Variants in EXOC6 observed in about 807,000 individuals in gnomAD.
The protein encoded by EXOC6 is SEC15-like 1.
EXOC6 carries 60 observed loss-of-function variants against 112.5 expected under a neutral mutation model. The observed-to-expected ratio is 0.53, with a 90% confidence interval of 0.43 to 0.66. The LOEUF (loss-of-function observed/expected upper bound fraction) is 0.66. Among genes scored for constraint, EXOC6 ranks in the 30% least tolerant of loss-of-function variants. The probability of loss-of-function intolerance (pLI) is 0.00; values close to 1 mark genes in which losing one functional copy is unlikely to be tolerated. For synonymous variants in EXOC6, 295 were observed against 308.0 expected (o/e 0.96, Z 0.44); for missense variants, 855 against 957.1 (o/e 0.89, Z 1.41).
At position 92,841,183 on chromosome 10, in the gene EXOC6, A is replaced by G. The variant is rs377159572; in HGVS notation, c.86+6359A>G. Among the ~76,000 whole-genome samples the G allele has an allele frequency of 2.6e-5, 4 of 152,246 alleles. No homozygotes were observed. The East Asian group carries it at 7.7e-4, about 29-fold the overall frequency. ...TTTCTCCCGTCCAGCTGAAACTTTG[A>G]TTAACATCTTTGATTAACATCTTTC... On this transcript the variant is annotated intron_variant, in intron 1 of 21. Transcript: ENST00000371552.
At chr10:92,943,807 T>C (rs1852812998) in intron 13 of EXOC6, among the ~76,000 whole-genome samples, 1 of 152,178 alleles carries the variant, frequency 6.6e-6, no homozygotes, top group Admixed American at 6.5e-5. Context: ...TGCTGTGGAA[T>C]AGATCTCAAA....
chr10:92,956,629 G>A (rs2134023245), intron 17 of EXOC6, among the ~76,000 whole-genome samples: 1 of 152,130 alleles, frequency 6.6e-6, no homozygotes, highest in South Asian at 2.1e-4. Flanking sequence ...TGCTCCTCTG[G>A]TGACTCTTGA....
upstream of EXOC6, among the ~76,000 whole-genome samples, chr10:92,832,686 A>G (rs1846525229): frequency 8.0e-6 from 1 of 125,712 alleles, no homozygotes. Context: ...CCTTGCACAT[A>G]AAGAACTTTT....
chr10:93,011,283 A>G (rs919273031), intron 19 of EXOC6, among the ~76,000 whole-genome samples: 2 of 150,530 alleles, frequency 1.3e-5, no homozygotes, highest in Non-Finnish European at 3.0e-5. Flanking sequence ...TTAAGACAAG[A>G]TCTTGCTTTG....
At chr10:92,827,945 C>G (rs909409396) in intron 1 of EXOC6, among the ~76,000 whole-genome samples, 4 of 152,096 alleles carry the variant, frequency 2.6e-5, no homozygotes, top group Non-Finnish European at 4.4e-5. Context: ...CAGCTATGGC[C>G]CATTAGCTCC....
chr10:92,871,544 C>T (rs533296656), intron 1 of EXOC6, among the ~76,000 whole-genome samples: 2 of 148,084 alleles, frequency 1.4e-5, no homozygotes, highest in Admixed American at 6.7e-5. Flanking sequence ...CAGTGGCTCA[C>T]GCCTGTAATC....
rs1322635474 is a variant in EXOC6 at position 92,974,731 on chromosome 10, G to C, written c.1953+499G>C. Among the ~76,000 whole-genome samples the C allele has an allele frequency of 2.6e-5, 4 of 152,190 alleles. No homozygotes were observed. In the East Asian group the frequency reaches 5.8e-4, roughly 22 times the overall value. The stretch of plus-strand genomic sequence containing the variant: ...CAGGCGCACGCCACCACGCCTGACT[G>C]GTTTTCGTATTTTTTTGGTGGAGAC... On this transcript the variant is annotated intron_variant, in intron 18 of 21. Transcript: ENST00000260762.
intron 20 of EXOC6, among the ~76,000 whole-genome samples, chr10:93,026,117 A>G (rs1048536871): frequency 1.3e-5 from 2 of 152,186 alleles, no homozygotes; most frequent in Admixed American, 1.3e-4. Flanking sequence ...GTACAAATAT[A>G]CCATAATTTA....
At chr10:92,840,887 A>G (rs768165936) in intron 1 of EXOC6, among the ~76,000 whole-genome samples, 3 of 151,982 alleles carry the variant, frequency 2.0e-5, no homozygotes, top group Non-Finnish European at 4.4e-5. Flanking sequence ...TGAACTTCTG[A>G]ACTCCAGAAA....
At chr10:93,003,661 G>T (rs890931561) in intron 19 of EXOC6, among the ~76,000 whole-genome samples, 4 of 152,152 alleles carry the variant, frequency 2.6e-5, no homozygotes, top group Admixed American at 2.0e-4. Flanking sequence ...AAACTTCAAA[G>T]ATTTCATAGT....
chr10:92,946,026 C>T (rs1852971654), intron 13 of EXOC6, among the ~76,000 whole-genome samples: 1 of 151,956 alleles, frequency 6.6e-6, no homozygotes, highest in African/African-American at 2.4e-5. Flanking sequence ...CACGGTGGCT[C>T]ACGCCAGTAA....
At chr10:92,998,365 T>C (rs114973047) in intron 19 of EXOC6, among the ~76,000 whole-genome samples, 2,261 of 152,258 alleles carry the variant, frequency 0.015, 59 homozygotes, top group African/African-American at 0.052. Context: ...CCACAGTTGA[T>C]AAATTGAAAA....
chr10:92,871,962 G>C (rs1242219753), intron 1 of EXOC6, among the ~76,000 whole-genome samples: 1 of 151,808 alleles, frequency 6.6e-6, no homozygotes, highest in Non-Finnish European at 1.5e-5. Flanking sequence ...TGGTTAACTA[G>C]TGGTTTGCCT....
intron 20 of EXOC6, among the ~76,000 whole-genome samples, chr10:93,054,102 G>A (rs1273939418): frequency 1.3e-5 from 2 of 152,202 alleles, no homozygotes; most frequent in South Asian, 2.1e-4. Flanking sequence ...ATGTGTTACT[G>A]TAGTTTAAAT....
chr10:93,037,344 T>G (rs1385142291), intron 20 of EXOC6, among the ~76,000 whole-genome samples: 1 of 151,736 alleles, frequency 6.6e-6, no homozygotes, highest in Non-Finnish European at 1.5e-5. Context: ...CTTGCCATGT[T>G]GCCCAGATTG....
intron 20 of EXOC6, among the ~76,000 whole-genome samples, chr10:93,049,563 T>TTTGTTTTGTTTGTTTTGTTTTGTG (rs1846181833): frequency 2.0e-5 from 3 of 152,074 alleles, no homozygotes; most frequent in South Asian, 2.1e-4. Flanking sequence ...GGTAGGTCTT[T>TTTGTTTTGTTTGTTTTGTTTTGTG]TTGTTTTGTT....
upstream of EXOC6, among the ~76,000 whole-genome samples, chr10:92,830,374 C>A (rs1183434900): frequency 6.6e-6 from 1 of 152,026 alleles, no homozygotes; most frequent in Non-Finnish European, 1.5e-5. Context: ...TCTAGAGGGA[C>A]AGGGGTTCCT....
chr10:92,987,953 C>T (rs1268578094), intron 18 of EXOC6, among the ~76,000 whole-genome samples: 1 of 151,992 alleles, frequency 6.6e-6, no homozygotes, highest in African/African-American at 2.4e-5. Context: ...AACATATACC[C>T]TACAGATTTT....
intron 20 of EXOC6, among the ~76,000 whole-genome samples, chr10:93,036,758 T>C (rs1293729862): frequency 6.6e-6 from 1 of 152,190 alleles, no homozygotes; most frequent in Non-Finnish European, 1.5e-5. Flanking sequence ...GTCATTTAAG[T>C]TTGCAGTTGG....
Sources: allele counts gnomAD v4.1 joint callset (sites outside exome capture counted in the v4.1 genomes callset), GRCh38; gene constraint gnomAD v4.1.1; transcripts MANE v1.5; gene names NCBI Gene and HGNC (gene_info 2026-07-23, HGNC 2026-07-21).